The following CSMD1 variants were observed in gnomAD, a reference collection of about 807,000 sequenced individuals.
CSMD1 encodes the protein CUB and Sushi multiple domains 1.
A neutral mutation model predicts 417.5 loss-of-function variants in CSMD1; 213 were observed. The observed-to-expected ratio is 0.51, with a 90% CI of 0.46 to 0.57. CSMD1 has a LOEUF of 0.57. Among genes scored for constraint, CSMD1 ranks in the 20% least tolerant of loss-of-function variants. CSMD1 has a pLI of 0.00. For synonymous variants in CSMD1, 2,862 were observed against 1,736.8 expected, an observed-to-expected ratio of 1.65 and a Z score of -16.11; for missense variants, 6,923 against 4,529.7, an observed-to-expected ratio of 1.53 and a Z score of -15.17.
At chr8:3,219,908 C>G (rs966627193) in intron 28 of CSMD1, among the ~76,000 whole-genome samples, 2 of 151,988 alleles carry the variant, frequency 1.3e-5, no homozygotes, top group African/African-American at 4.8e-5. Context: ...GAATTACTGA[C>G]TATTCTTACT....
chr8:4,714,863 GA>G (rs1156880247), intron 1 of CSMD1, among the ~76,000 whole-genome samples: 3 of 151,992 alleles, frequency 2.0e-5, no homozygotes, highest in African/African-American at 7.2e-5. Flanking sequence ...TAAAACCGAA[GA>G]AAAAAATCTG....
chr8:3,421,074 C>T (rs960611500), intron 12 of CSMD1, among the ~76,000 whole-genome samples: 4 of 152,084 alleles, frequency 2.6e-5, no homozygotes, highest in Admixed American at 6.5e-5. Context: ...TAACTGAAGA[C>T]GAAGCTTCAT....
At chr8:3,483,722 T>C (rs1278422799) in intron 11 of CSMD1, among the ~76,000 whole-genome samples, 2 of 152,164 alleles carry the variant, frequency 1.3e-5, no homozygotes, top group Non-Finnish European at 2.9e-5. Context: ...TTTATGAATG[T>C]AGTTGCAAAT....
chr8:4,153,837 C>G (rs955369737), intron 3 of CSMD1, among the ~76,000 whole-genome samples: 2 of 152,212 alleles, frequency 1.3e-5, no homozygotes, highest in African/African-American at 2.4e-5. Flanking sequence ...ACGTCACATG[C>G]AAGTGGTGAC....
chr8:3,847,775 A>G (rs904250059), intron 5 of CSMD1, among the ~76,000 whole-genome samples: 1 of 152,164 alleles, frequency 6.6e-6, no homozygotes. Context: ...TTTTTATCAT[A>G]AGTGATTAGG....
chr8:3,358,567 T>C (rs1303062553), intron 21 of CSMD1, among the ~76,000 whole-genome samples: 1 of 152,030 alleles, frequency 6.6e-6, no homozygotes, highest in Admixed American at 6.5e-5. Context: ...TAGTACTTCA[T>C]GGCAAAGTAC....
intron 3 of CSMD1, among the ~76,000 whole-genome samples, chr8:4,330,629 A>C (rs1158956000): frequency 6.6e-6 from 1 of 151,966 alleles, no homozygotes; most frequent in Non-Finnish European, 1.5e-5. Context: ...CATAAATCTA[A>C]TCATATTTTA....
intron 7 of CSMD1, among the ~76,000 whole-genome samples, chr8:3,664,338 C>T (rs1798572217): frequency 2.0e-5 from 3 of 152,150 alleles, no homozygotes; most frequent in African/African-American, 7.2e-5. Context: ...CCAGCTTCAT[C>T]TTAAAATTAA....
chr8:3,294,013 G>A (rs1202476476), intron 25 of CSMD1, among the ~76,000 whole-genome samples: 1 of 120,690 alleles, frequency 8.3e-6, no homozygotes, highest in Non-Finnish European at 2.0e-5. Context: ...TGGTGTGGAT[G>A]TCCTTTCTGT....
Position 3,052,650 on chromosome 8 carries a change from G to A in CSMD1, c.7475-3C>T, listed in dbSNP as rs1811935616. ...TTCTGGGATTCCACAGGACACAGCT[G>A]AAAAGAAATGAAACAAATGTAGGCT... On this transcript the variant is annotated splice_polypyrimidine_tract_variant and splice_region_variant and intron_variant, in intron 49 of 69. Transcript: ENST00000635120. The A allele has an allele frequency of 3.2e-6, 5 of 1,579,082 alleles. No individual in the cohort carries two copies. In the East Asian group the frequency reaches 6.9e-5, roughly 22 times the overall value.
chr8:4,248,068 G>A (rs147309906), intron 3 of CSMD1, among the ~76,000 whole-genome samples: 2 of 152,204 alleles, frequency 1.3e-5, no homozygotes, highest in East Asian at 1.9e-4. Flanking sequence ...AATGGAAATT[G>A]TTAAGGAACT....
chr8:4,089,524 A>G (rs17068893), intron 3 of CSMD1, among the ~76,000 whole-genome samples: 26,860 of 152,194 alleles, frequency 0.18, 2,776 homozygotes, highest in South Asian at 0.38. Flanking sequence ...CAAGTCTTAT[A>G]TAGCATTCTG....
chr8:3,561,198 A>T (rs1391923673), intron 10 of CSMD1, among the ~76,000 whole-genome samples: 1 of 152,226 alleles, frequency 6.6e-6, no homozygotes, highest in Non-Finnish European at 1.5e-5. Context: ...AATGTAAATG[A>T]GTAAGCCTCT....
rs149746120 is a variant in CSMD1, at chr8:4,743,072, A to T, written c.86-105514T>A. ...TGTATTTTATTACATTAATTATTAC[A>T]TTAAAATTGGCTCTGCTAAGAGTCA... is the stretch of plus-strand genomic sequence containing the variant. On this transcript the variant is annotated intron_variant, in intron 1 of 69. Coordinates refer to ENST00000635120, the MANE Select transcript of CSMD1 (RefSeq NM_033225.6). Among the ~76,000 whole-genome samples the T allele has an allele frequency of 1.4e-3, 219 of 152,334 alleles. 2 individuals are homozygous for T. The highest frequency in any genetic ancestry group is 5.0e-3 in the African/African-American group (210 of 41,588).
At position 3,439,154 on chromosome 8, in the gene CSMD1, C is replaced by CAAAAAAAAAAAAAAAAAAAAAAAAAAAAA. The variant is rs1563390150; in HGVS notation, c.1562-29550_1562-29549insTTTTTTTTTTTTTTTTTTTTTTTTTTTTT. ...AAAAAAAAAAAAAAAAAAAAAAAACCAAGAAAAAAAAAAGAAAAAGAAAAA... is the reference window on the plus strand; with the variant it reads ...AAAAAAAAAAAAAAAAAAAAAAAACCAAAAAAAAAAAAAAAAAAAAAAAAAAAAAAAGAAAAAAAAAAGAAAAAGAAAAA... On this transcript the variant is annotated intron_variant, in intron 12 of 69. Coordinates refer to ENST00000635120, the MANE Select transcript of CSMD1 (RefSeq NM_033225.6). Among the ~76,000 whole-genome samples the CAAAAAAAAAAAAAAAAAAAAAAAAAAAAA allele has an allele frequency of 1.5e-3, 41 of 26,612 alleles. 4 individuals are homozygous for CAAAAAAAAAAAAAAAAAAAAAAAAAAAAA. Among genetic ancestry groups the CAAAAAAAAAAAAAAAAAAAAAAAAAAAAA allele is most frequent in the Middle Eastern group, 0.021 (1 of 48 alleles). 17.5% of individuals were successfully genotyped at this position (26,612 alleles called of 152,430 possible).
At chr8:3,126,538 G>C (rs185032000) in intron 41 of CSMD1, among the ~76,000 whole-genome samples, 24 of 152,278 alleles carry the variant, frequency 1.6e-4, no homozygotes, top group Admixed American at 1.6e-3. Flanking sequence ...TGGGGTCTCA[G>C]TAGCATGTCA....
intron 1 of CSMD1, among the ~76,000 whole-genome samples, chr8:4,769,903 T>G (rs923138695): frequency 6.6e-6 from 1 of 152,216 alleles, no homozygotes; most frequent in Non-Finnish European, 1.5e-5. Flanking sequence ...ATAAAAATCA[T>G]GAATCCTCAT....
At chr8:3,806,334 C>A (rs183548049) in intron 5 of CSMD1, among the ~76,000 whole-genome samples, 32 of 152,272 alleles carry the variant, frequency 2.1e-4, no homozygotes, top group Middle Eastern at 3.4e-3. Flanking sequence ...AGATTCTTTA[C>A]AACCAAGTAT....
chr8:3,958,664 C>T (rs1002267260), intron 5 of CSMD1, among the ~76,000 whole-genome samples: 2 of 152,050 alleles, frequency 1.3e-5, no homozygotes, highest in African/African-American at 4.8e-5. Flanking sequence ...CCTATAAAAA[C>T]AAAATGTCAA....
Sources: allele counts gnomAD v4.1 joint callset (sites outside exome capture counted in the v4.1 genomes callset), GRCh38; gene constraint gnomAD v4.1.1; transcripts MANE v1.5; gene names NCBI Gene and HGNC (gene_info 2026-07-23, HGNC 2026-07-21).